The following CLEC17A variants were observed in gnomAD, a reference collection of about 807,000 sequenced individuals.
The protein encoded by CLEC17A is C-type lectin domain family 17, member A.
In CLEC17A, 37 loss-of-function variants were observed where a neutral mutation model predicts 61.3. The observed-to-expected ratio is 0.60, with a 90% CI of 0.46 to 0.79. The LOEUF (loss-of-function observed/expected upper bound fraction) is 0.79. CLEC17A is among the 30% of genes least tolerant of loss of function. CLEC17A has a pLI of 0.00. For synonymous variants in CLEC17A, 168 were observed against 164.9 expected, an observed-to-expected ratio of 1.02 and a Z score of -0.14; for missense variants, 418 against 464.7, an observed-to-expected ratio of 0.90 and a Z score of 0.92.
intron 12 of CLEC17A, among the ~76,000 whole-genome samples, chr19:14,605,642 C>T (rs1048618890): frequency 6.6e-6 from 1 of 152,144 alleles, no homozygotes; most frequent in East Asian, 1.9e-4. Context: ...TAATTTCTTT[C>T]ACCATCAATT....
intron 10 of CLEC17A, among the ~76,000 whole-genome samples, chr19:14,598,150 TG>T (rs2074594350): frequency 6.6e-6 from 1 of 150,752 alleles, no homozygotes; most frequent in Non-Finnish European, 1.5e-5. Context: ...ACCTTTAGCT[TG>T]GCATTCAAGG....
intron 12 of CLEC17A, among the ~76,000 whole-genome samples, chr19:14,604,865 G>T (rs929151028): frequency 6.6e-6 from 1 of 152,130 alleles, no homozygotes; most frequent in Non-Finnish European, 1.5e-5. Context: ...ATTGCCTATA[G>T]TAGAACACAT....
intron 12 of CLEC17A, 116 bp from the exon 13 acceptor site, chr19:14,606,877 G>A (rs1599576781): frequency 2.7e-6 from 1 of 372,520 alleles, no homozygotes; most frequent in Non-Finnish European, 4.7e-6. Context: ...GGACGGGGAC[G>A]GGTTGTGGGA....
intron 13 of CLEC17A, among the ~76,000 whole-genome samples, chr19:14,607,554 T>TA (rs1418839637): frequency 5.3e-5 from 5 of 94,378 alleles, no homozygotes; most frequent in East Asian, 7.3e-4. Context: ...TATTTTATTA[T>TA]TTATTTATTT....
At chr19:14,595,983 T>G (rs74978785) in intron 8 of CLEC17A, among the ~76,000 whole-genome samples, 13 of 2,804 alleles carry the variant, frequency 4.6e-3, no homozygotes, top group Non-Finnish European at 6.0e-3. Context: ...ATGTTGTTGG[T>G]AGAGATGATG....
At chr19:14,580,996 G>T (rs1001104778), upstream of CLEC17A, among the ~76,000 whole-genome samples, 10 of 152,212 alleles carry the variant, frequency 6.6e-5, no homozygotes, top group Non-Finnish European at 1.3e-4. Context: ...CATTGCCCAC[G>T]TGCGGTGCGG....
At position 14,599,744 on chromosome 19, in the gene CLEC17A, T is replaced by C; in HGVS notation, c.674T>C (p.Leu225Pro). 3 of 1,613,896 alleles carry C rather than the reference T, an allele frequency of 1.9e-6. No individual in the cohort carries two copies. The South Asian group carries it at 3.3e-5, about 18-fold the overall frequency. The change falls in exon 11 of 14, where the codon CTG becomes CCG. Residue 225 changes from leucine to proline, a missense_variant. Transcript: ENST00000417570. ...ACTGGCATGGCAGGGCTAGCTGGCC[T>C]GAAGCATGACATTGCCCGTGTAAGA... is the stretch of plus-strand genomic sequence containing the variant. ...NMTGMAGLAG[L>P]KHDIARVRAD...
At chr19:14,582,252 A>G (rs546012006), upstream of CLEC17A, among the ~76,000 whole-genome samples, 79 of 143,188 alleles carry the variant, frequency 5.5e-4, no homozygotes, top group African/African-American at 1.9e-3. Context: ...TCGCTCTGTC[A>G]CCCAGGCTGG....
intron 13 of CLEC17A, among the ~76,000 whole-genome samples, chr19:14,607,445 T>A (rs11882883): frequency 2.0e-5 from 3 of 151,644 alleles, no homozygotes; most frequent in Non-Finnish European, 4.4e-5. Context: ...CCTCGTGATC[T>A]GCCCGCCTTG....
chr19:14,602,876 C>G (rs2074757775), intron 12 of CLEC17A, among the ~76,000 whole-genome samples: 1 of 152,068 alleles, frequency 6.6e-6, no homozygotes, highest in African/African-American at 2.4e-5. Flanking sequence ...GCTGGGATTA[C>G]AGGCGCCCAC....
chr19:14,581,968 C>T (rs1038176707), upstream of CLEC17A, among the ~76,000 whole-genome samples: 8 of 151,886 alleles, frequency 5.3e-5, no homozygotes, highest in Non-Finnish European at 1.0e-4. Flanking sequence ...TTTTATAGTT[C>T]TGGAGTCAGG....
At chr19:14,582,938 C>G, upstream of CLEC17A, 1 of 542,322 alleles carries the variant, frequency 1.8e-6, no homozygotes, top group Non-Finnish European at 3.3e-6. Context: ...TGCGTGAATC[C>G]AAACTGGGGA....
At chr19:14,584,464 G>A (rs2074241376) in intron 2 of CLEC17A, 1 of 152,140 alleles carries the variant, frequency 6.6e-6, no homozygotes, top group South Asian at 2.1e-4. Flanking sequence ...CAGGGACCCT[G>A]AGGCCATGAG....
At chr19:14,585,766 C>T (rs1284222478) in intron 2 of CLEC17A, among the ~76,000 whole-genome samples, 1 of 147,068 alleles carries the variant, frequency 6.8e-6, no homozygotes, top group Non-Finnish European at 1.5e-5. Context: ...ACTACAATCA[C>T]GCAAGAGATC....
chr19:14,582,696 C>G (rs928037486), upstream of CLEC17A, among the ~76,000 whole-genome samples: 1 of 152,258 alleles, frequency 6.6e-6, no homozygotes, highest in African/African-American at 2.4e-5. Flanking sequence ...CAACCTCCAT[C>G]TCCCAGGTTC....
At chr19:14,604,518 T>C (rs900260106) in intron 12 of CLEC17A, among the ~76,000 whole-genome samples, 2 of 152,152 alleles carry the variant, frequency 1.3e-5, no homozygotes, top group African/African-American at 2.4e-5. Flanking sequence ...ATCCCAGCAC[T>C]TTGCGAGGCC....
At chr19:14,602,927 G>A (rs1188672617) in intron 12 of CLEC17A, among the ~76,000 whole-genome samples, 1 of 151,990 alleles carries the variant, frequency 6.6e-6, no homozygotes, top group East Asian at 1.9e-4. Flanking sequence ...TAGAGATGGG[G>A]TTTCTCCATG....
intron 11 of CLEC17A, 67 bp downstream of exon 11, chr19:14,599,879 C>A: frequency 6.7e-7 from 1 of 1,502,872 alleles, no homozygotes; most frequent in Non-Finnish European, 9.1e-7. Context: ...TACATCACTC[C>A]ATTGAAGTCA....
In CLEC17A at chr19:14,610,517, C is replaced by T. The variant is rs919167193; in HGVS notation, c.*321C>T. On this transcript the variant is annotated 3_prime_UTR_variant, in exon 14 of 14. Transcript: ENST00000417570. ...GGGAAGTGATACTAGCCCTGAGGAC[C>T]CTGGGGCTGGTGTTGAACCTGGGAT... 7 of 266,546 alleles carry T rather than the reference C, an allele frequency of 2.6e-5. No homozygotes were observed. The highest frequency in any genetic ancestry group is 5.1e-5 in the Non-Finnish European group (7 of 136,714). The allele number at this position is 266,546 out of a possible 1,614,324, so 16.5% of individuals were successfully genotyped here.
Sources: allele counts gnomAD v4.1 joint callset (sites outside exome capture counted in the v4.1 genomes callset), GRCh38; gene constraint gnomAD v4.1.1; transcripts MANE v1.5; gene names NCBI Gene and HGNC (gene_info 2026-07-23, HGNC 2026-07-21).